The following ABCA13 variants were observed in gnomAD, a reference collection of about 807,000 sequenced individuals.
The protein encoded by ABCA13 is ATP binding cassette subfamily A member 13.
ABCA13 carries 476 observed loss-of-function variants against 478.7 expected under a neutral mutation model. That is an observed-to-expected ratio of 0.99 (90% CI 0.92 to 1.07). ABCA13 has a LOEUF of 1.07. ABCA13 is among the 50% of genes least tolerant of loss of function. The probability of loss-of-function intolerance (pLI) is 0.00; values close to 1 mark genes in which losing one functional copy is unlikely to be tolerated. For missense variants in ABCA13, 6,060 were observed against 5,910.6 expected (o/e 1.03, Z -0.83); for synonymous variants, 2,252 against 2,158.9 (o/e 1.04, Z -1.20).
chr7:48,241,068 T>C lies in ABCA13; in HGVS notation c.1262+2T>C, dbSNP rs1278581463. On this transcript the variant is annotated splice_donor_variant, in intron 10 of 61. Coordinates refer to ENST00000435803, the MANE Select transcript of ABCA13 (RefSeq NM_152701.5). LOFTEE classifies it high-confidence loss of function. ...AGATAATCATACATTTCCAAAGATG[T>C]AAGTCGCATTTCCCTGTTTGATTAT... The C allele has an allele frequency of 1.9e-6, 3 of 1,613,930 alleles. No homozygotes were observed. The South Asian group carries it at 3.3e-5, about 18-fold the overall frequency.
chr7:48,509,512 A>G lies in ABCA13; in HGVS notation c.13524+1463A>G, dbSNP rs563046893. ...AAACCCCAGGATCTTCCTTCTTTTC[A>G]GCACCCTTAGTTTATTATCTCTTTA... On this transcript the variant is annotated intron_variant, in intron 50 of 61. Transcript: ENST00000435803. 2.0e-5 allele frequency among the ~76,000 whole-genome samples: 3 copies of G among 152,218 alleles called. No homozygotes were observed. The South Asian group carries it at 6.2e-4, about 32-fold the overall frequency.
intron 59 of ABCA13, among the ~76,000 whole-genome samples, chr7:48,624,980 C>CT (rs1440416280): frequency 1.3e-4 from 20 of 152,040 alleles, no homozygotes; most frequent in African/African-American, 4.4e-4. Flanking sequence ...CAACTGTAAA[C>CT]TTTGAGAACC....
intron 1 of ABCA13, among the ~76,000 whole-genome samples, chr7:48,180,531 C>T (rs1795536608): frequency 6.6e-6 from 1 of 152,194 alleles, no homozygotes; most frequent in African/African-American, 2.4e-5. Flanking sequence ...AACAACTCTC[C>T]TGCCTCAGCC....
At chr7:48,595,405 A>G (rs1338435924) in intron 58 of ABCA13, among the ~76,000 whole-genome samples, 1 of 152,258 alleles carries the variant, frequency 6.6e-6, no homozygotes, top group Admixed American at 6.5e-5. Flanking sequence ...CTAATGATGT[A>G]ATAAAGACCA....
rs561846122 is a variant in ABCA13, at chr7:48,295,688, T to A, written c.8956-12T>A. The A allele has an allele frequency of 6.2e-7, 1 of 1,613,890 alleles. No homozygotes were observed. On this transcript the variant is annotated splice_polypyrimidine_tract_variant and intron_variant, in intron 20 of 61. Coordinates refer to ENST00000435803, the MANE Select transcript of ABCA13 (RefSeq NM_152701.5). ...GTGTGCTTCTAACCTATATCATTGC[T>A]ATGTTTTCTAGGAAATTGAAAAGAT...
At chr7:48,233,266 C>T (rs1027314600) in intron 7 of ABCA13, among the ~76,000 whole-genome samples, 1 of 152,084 alleles carries the variant, frequency 6.6e-6, no homozygotes, top group African/African-American at 2.4e-5. Flanking sequence ...TGAAGGGGCT[C>T]AGTCAATGGG....
chr7:48,535,929 G>A (rs1394517510), intron 55 of ABCA13, among the ~76,000 whole-genome samples: 1 of 152,196 alleles, frequency 6.6e-6, no homozygotes, highest in South Asian at 2.1e-4. Context: ...ACTTGCCCCA[G>A]AGAACTCAGC....
chr7:48,298,247 T>C, intron 22 of ABCA13, 119 bp from the exon 23 acceptor site: 1 of 894,290 alleles, frequency 1.1e-6, no homozygotes, highest in Non-Finnish European at 1.6e-6. Context: ...TAGTGATTTA[T>C]GGGTTGAATG....
At chr7:48,180,688 A>G (rs993136980) in intron 1 of ABCA13, among the ~76,000 whole-genome samples, 2 of 152,116 alleles carry the variant, frequency 1.3e-5, no homozygotes, top group Non-Finnish European at 2.9e-5. Context: ...CGGCCTCCCA[A>G]AGTGTTGGGA....
chr7:48,296,153 G>A (rs1449764428), intron 21 of ABCA13, among the ~76,000 whole-genome samples: 1 of 152,166 alleles, frequency 6.6e-6, no homozygotes, highest in Non-Finnish European at 1.5e-5. Flanking sequence ...CTAATGGGAG[G>A]CTGATGTGGG....
At chr7:48,247,714 A>AC (rs1202398840) in intron 13 of ABCA13, among the ~76,000 whole-genome samples, 1 of 151,946 alleles carries the variant, frequency 6.6e-6, no homozygotes, top group Admixed American at 6.6e-5. Flanking sequence ...TCTCCAGGTA[A>AC]CCTCTCCATA....
chr7:48,447,975 G>A (rs1405435758), intron 42 of ABCA13, among the ~76,000 whole-genome samples: 2 of 152,006 alleles, frequency 1.3e-5, no homozygotes, highest in Admixed American at 6.6e-5. Flanking sequence ...CTTTTTTTCA[G>A]CTATATTTAT....
Position 48,317,114 on chromosome 7 carries a change from CG to C in ABCA13, c.9860-42del, listed in dbSNP as rs146438657. 7.5e-3 allele frequency: 11,795 copies of C among 1,579,642 alleles called. 735 individuals carry two copies. In the African/African-American group the frequency reaches 0.14, roughly 18 times the overall value. On this transcript the variant is annotated intron_variant, in intron 26 of 61. Transcript: ENST00000435803. ...TGAATTTCCCTATTAACCTAGGCAT[CG>C]TGTATCATTAGCAACTTTTTTTTTC...
Position 48,350,824 on chromosome 7 carries a change from G to A in ABCA13, c.10381+5G>A, listed in dbSNP as rs1477976757. Reference sequence around the variant, plus strand: ...AGCAGAACAGCTTCTTGGCCAGTAAGTACTCAATGAAAAAATATGTTCGCC... The same window carrying A: ...AGCAGAACAGCTTCTTGGCCAGTAAATACTCAATGAAAAAATATGTTCGCC... On this transcript the variant is annotated splice_donor_5th_base_variant and intron_variant, in intron 30 of 61. Transcript: ENST00000435803. 7 of 1,610,378 alleles carry A rather than the reference G, an allele frequency of 4.3e-6. No individual in the cohort carries two copies. Among genetic ancestry groups the A allele is most frequent in the Non-Finnish European group, 5.9e-6 (7 of 1,177,714 alleles).
chr7:48,223,403 A>T (rs1168556082), intron 5 of ABCA13, among the ~76,000 whole-genome samples: 1 of 152,138 alleles, frequency 6.6e-6, no homozygotes, highest in Non-Finnish European at 1.5e-5. Flanking sequence ...AAGAGGGCTG[A>T]GCACCAAGCA....
intron 59 of ABCA13, among the ~76,000 whole-genome samples, chr7:48,627,850 A>G (rs1407236779): frequency 6.6e-6 from 1 of 152,212 alleles, no homozygotes; most frequent in Non-Finnish European, 1.5e-5. Flanking sequence ...GACAAGCACA[A>G]GGGGTCAAGC....
chr7:48,591,209 C>T (rs959864984), intron 57 of ABCA13, among the ~76,000 whole-genome samples: 3 of 151,728 alleles, frequency 2.0e-5, no homozygotes, highest in African/African-American at 7.3e-5. Flanking sequence ...TTCAGTTTTC[C>T]CAAAGCCATA....
In ABCA13 at chr7:48,273,318, C is replaced by G. The variant is rs200178016; in HGVS notation, c.3652C>G (p.Gln1218Glu). Reference protein sequence around the residue: ...LILNLFKNVTQANDFHNWEDF... With the variant: ...LILNLFKNVTEANDFHNWEDF... Reference sequence around the variant, plus strand: ...ATTAAATTTGTTTAAAAATGTAACTCAAGCCAATGACTTCCATAATTGGGA... The same window carrying G: ...ATTAAATTTGTTTAAAAATGTAACTGAAGCCAATGACTTCCATAATTGGGA... Residue 1218 changes from glutamine (Q) to glutamate (E), a missense_variant, in exon 17 of 62, where the codon CAA becomes GAA. Gln to Glu is a conservative substitution (Grantham distance 29). This residue lies in a region of ABCA13 where 4,423 missense variants were observed against 4,309.1 expected (regional missense o/e 1.03). Coordinates refer to ENST00000435803, the MANE Select transcript of ABCA13 (RefSeq NM_152701.5). 7.4e-6 allele frequency: 12 copies of G among 1,613,462 alleles called. No individual in the cohort carries two copies. The highest frequency in any genetic ancestry group is 1.1e-5 in the South Asian group (1 of 91,058).
chr7:48,444,478 T>G (rs1340331121), intron 42 of ABCA13, among the ~76,000 whole-genome samples: 1 of 152,194 alleles, frequency 6.6e-6, no homozygotes, highest in Admixed American at 6.5e-5. Flanking sequence ...CAGCATCCTC[T>G]TTTTGGGCAA....
Sources: allele counts gnomAD v4.1 joint callset (sites outside exome capture counted in the v4.1 genomes callset), GRCh38; gene constraint gnomAD v4.1.1; regional missense constraint gnomAD v4.1.1; transcripts MANE v1.5; gene names NCBI Gene and HGNC (gene_info 2026-07-23, HGNC 2026-07-21).